UTP18: variants seen among roughly 807,000 people sequenced by gnomAD.
UTP18 encodes UTP18 small subunit processome component, also known as U3 small nucleolar RNA-associated protein 18 homolog.
In UTP18, 36 loss-of-function variants were observed where a neutral mutation model predicts 61.1. That is an observed-to-expected ratio of 0.59 (90% CI 0.45 to 0.78). The LOEUF (loss-of-function observed/expected upper bound fraction) is 0.78. Ranked by LOEUF, UTP18 falls within the 30% of genes least tolerant of loss-of-function variation. The pLI is 0.00. For synonymous variants in UTP18, 282 were observed against 251.1 expected, an observed-to-expected ratio of 1.12 and a Z score of -1.16; for missense variants, 753 against 693.9, an observed-to-expected ratio of 1.09 and a Z score of -0.96.
chr17:51,285,227 T>C lies in UTP18; in HGVS notation c.1205-18T>C. 1 of 1,612,136 alleles carries C rather than the reference T, an allele frequency of 6.2e-7. No individual in the cohort carries two copies. Among genetic ancestry groups the C allele is most frequent in the Non-Finnish European group, 8.5e-7 (1 of 1,179,444 alleles). On this transcript the variant is annotated intron_variant, in intron 9 of 13. Transcript: ENST00000225298. ...TTAAAGCAAAATTAACAACTCTTTT[T>C]TTCGCTCTTTTATGCAGGGGATGGA...
chr17:51,284,997 G>C (rs1451588794), intron 9 of UTP18, among the ~76,000 whole-genome samples: 3 of 151,582 alleles, frequency 2.0e-5, no homozygotes, highest in Admixed American at 1.3e-4. Flanking sequence ...GGAGAAGGAG[G>C]TTGCAGTGTG....
At chr17:51,270,456 T>C (rs1003813300) in intron 4 of UTP18, among the ~76,000 whole-genome samples, 2 of 152,216 alleles carry the variant, frequency 1.3e-5, no homozygotes, top group Non-Finnish European at 2.9e-5. Flanking sequence ...CACAACATTT[T>C]AGATTCCTGT....
At chr17:51,274,705 G>T (rs1235965429) in intron 5 of UTP18, among the ~76,000 whole-genome samples, 2 of 151,640 alleles carry the variant, frequency 1.3e-5, no homozygotes, top group Non-Finnish European at 2.9e-5. Flanking sequence ...GCCCGCCTCA[G>T]CTCCCAACGT....
intron 11 of UTP18, among the ~76,000 whole-genome samples, 185 bp from the exon 12 acceptor site, chr17:51,293,713 AAAAAT>A (rs1159283529): frequency 2.6e-5 from 4 of 152,268 alleles, no homozygotes; most frequent in African/African-American, 9.6e-5. Context: ...TCTTAACTAT[AAAAAT>A]AAAGTAATAA....
At chr17:51,263,175 AG>A in intron 1 of UTP18, 98 bp from the exon 2 acceptor site, 2 of 918,318 alleles carry the variant, frequency 2.2e-6, no homozygotes, top group Non-Finnish European at 3.4e-6. Flanking sequence ...AGAGAGTGGT[AG>A]AAAAAACATT....
intron 5 of UTP18, 28 bp downstream of exon 5, chr17:51,273,478 T>C (rs1484645269): frequency 2.1e-5 from 33 of 1,542,456 alleles, no homozygotes; most frequent in Non-Finnish European, 2.9e-5. Context: ...TGGGGGATCC[T>C]ATCTAACTAC....
At chr17:51,275,762 A>AT in intron 5 of UTP18, 104 bp from the exon 6 acceptor site, 4 of 1,134,120 alleles carry the variant, frequency 3.5e-6, no homozygotes, top group African/African-American at 1.7e-5. Flanking sequence ...ATTCCAGTGC[A>AT]TTTTTTTCCT....
In UTP18 at chr17:51,260,605, A is replaced by C. The variant is rs564040886; in HGVS notation, c.21A>C (p.Arg7Ser). ...TAACGATGCCGCCGGAGCGGAGGAG[A>C]CGAATGAAACTGGACCGGAGAACCG... is the stretch of plus-strand genomic sequence containing the variant. Reference protein sequence around the residue: MPPERRRRMKLDRRTGA... With the variant: MPPERRSRMKLDRRTGA... The change falls in exon 1 of 14, where the codon AGA (arginine) becomes AGC (serine). Residue 7 changes from arginine to serine, a missense_variant. Coordinates refer to ENST00000225298, the MANE Select transcript of UTP18 (RefSeq NM_016001.3). The C allele has an allele frequency of 3.7e-6, 6 of 1,612,452 alleles. No homozygotes were observed. In the African/African-American group the frequency reaches 6.7e-5, roughly 18 times the overall value.
At chr17:51,294,669 G>A (rs1567708032) in intron 12 of UTP18, among the ~76,000 whole-genome samples, 1 of 152,030 alleles carries the variant, frequency 6.6e-6, no homozygotes, top group Non-Finnish European at 1.5e-5. Context: ...ACATACATGT[G>A]CATGTGTCTT....
At position 51,297,775 on chromosome 17, in the gene UTP18, T is replaced by G; in HGVS notation, c.*15-7T>G. ...CAGGTATGTAATTTCTTTTGTTCTT[T>G]CCTCAGGTCCAGTTGAGTCACAAGA... On this transcript the variant is annotated splice_polypyrimidine_tract_variant and splice_region_variant and intron_variant, in intron 13 of 13. Transcript: ENST00000225298. 2.3e-6 allele frequency: 1 copy of G among 429,542 alleles called. No individual in the cohort carries two copies. 26.6% of individuals were successfully genotyped at this position (429,542 alleles called of 1,614,324 possible).
intron 9 of UTP18, among the ~76,000 whole-genome samples, chr17:51,283,108 A>G (rs996876772): frequency 5.4e-5 from 8 of 148,704 alleles, no homozygotes; most frequent in African/African-American, 1.7e-4. Context: ...AGCTCAGGCA[A>G]CCCACCTGCC....
chr17:51,277,275 G>C lies in UTP18; in HGVS notation c.983G>C (p.Gly328Ala), dbSNP rs1283772440. The C allele has an allele frequency of 1.2e-6, 2 of 1,614,112 alleles. No individual in the cohort carries two copies. The highest frequency in any genetic ancestry group is 2.2e-5 in the South Asian group (2 of 91,072). The change falls in exon 7 of 14, where the codon GGA becomes GCA. Residue 328 changes from glycine (G) to alanine (A), a missense_variant. Physicochemically the swap from Gly to Ala is moderately conservative, Grantham distance 60 (BLOSUM62 0). Coordinates refer to ENST00000225298, the MANE Select transcript of UTP18 (RefSeq NM_016001.3). ...KVLYVYDMLA[G>A]KLIPVHQVRG... is the part of the protein sequence containing the mutation. ...CTTTATGTCTATGACATGCTGGCTGGAAAGTTAATTCCTGTGCATCAAGTG... is the reference window on the plus strand; with the variant it reads ...CTTTATGTCTATGACATGCTGGCTGCAAAGTTAATTCCTGTGCATCAAGTG...
intron 11 of UTP18, among the ~76,000 whole-genome samples, chr17:51,290,807 A>G (rs1267438259): frequency 6.6e-6 from 1 of 152,244 alleles, no homozygotes; most frequent in Admixed American, 6.5e-5. Context: ...CATAATATCT[A>G]ATGGAAAGAA....
chr17:51,283,266 T>TC (rs1265261073), intron 9 of UTP18, among the ~76,000 whole-genome samples: 1 of 151,836 alleles, frequency 6.6e-6, no homozygotes, highest in Non-Finnish European at 1.5e-5. Flanking sequence ...CCTCCTGGGT[T>TC]CCAGCAATTC....
chr17:51,275,420 A>C (rs761477825), intron 5 of UTP18, among the ~76,000 whole-genome samples: 10 of 152,206 alleles, frequency 6.6e-5, no homozygotes, highest in Non-Finnish European at 1.5e-4. Context: ...CAATTGAAGA[A>C]CTGTGGGGAC....
In UTP18 at chr17:51,288,208, A is replaced by G. The variant is rs1324384145; in HGVS notation, c.1503+5A>G. ...ATGAAAGAAGCAGTCAGATTGGTAA[A>G]TATTTCATTACCCCTTTATTATTGT... On this transcript the variant is annotated splice_donor_5th_base_variant and intron_variant, in intron 11 of 13. Coordinates refer to ENST00000225298, the MANE Select transcript of UTP18 (RefSeq NM_016001.3). 3.2e-6 allele frequency: 5 copies of G among 1,574,012 alleles called. No homozygotes were observed. The African/African-American group carries it at 6.9e-5, about 22-fold the overall frequency.
intron 10 of UTP18, 30 bp from the exon 11 acceptor site, chr17:51,287,999 T>C (rs920138662): frequency 1.3e-6 from 2 of 1,494,858 alleles, no homozygotes; most frequent in Non-Finnish European, 1.8e-6. Flanking sequence ...ACTTGGTTTT[T>C]AATCTATTTT....
rs1309116734 is a variant in UTP18, at chr17:51,260,758, C to T, written c.174C>T (p.Ala58=). The change falls in exon 1 of 14, where the codon GCC becomes GCT. Residue 58 remains alanine, a synonymous_variant. Transcript: ENST00000225298. ...RKPPARPSAA[A]AAIAVAAAEE... ...CGCCGGCCCGGCCGAGCGCGGCGGC[C>T]GCTGCGATTGCAGTCGCGGCGGCGG... The T allele has an allele frequency of 3.8e-6, 6 of 1,581,904 alleles. No homozygotes were observed. The African/African-American group carries it at 4.0e-5, about 11-fold the overall frequency.
At chr17:51,277,371 A>T in intron 7 of UTP18, 67 bp downstream of exon 7, 1 of 1,535,748 alleles carries the variant, frequency 6.5e-7, no homozygotes, top group South Asian at 1.2e-5. Flanking sequence ...AACAGTGTTT[A>T]CAACACTTTT....
Sources: allele counts gnomAD v4.1 joint callset (sites outside exome capture counted in the v4.1 genomes callset), GRCh38; gene constraint gnomAD v4.1.1; transcripts MANE v1.5; gene names NCBI Gene and HGNC (gene_info 2026-07-23, HGNC 2026-07-21).